The following PHYHIP variants were observed in gnomAD, a reference collection of about 807,000 sequenced individuals.
PHYHIP encodes the protein phytanoyl-CoA 2-hydroxylase interacting protein, also known as phytanoyl-CoA hydroxylase-interacting protein.
In PHYHIP, 7 loss-of-function variants were observed where a neutral mutation model predicts 26.1. The observed-to-expected ratio is 0.27, with a 90% CI of 0.15 to 0.50. PHYHIP has a LOEUF of 0.50. Among genes scored for constraint, PHYHIP ranks in the 20% least tolerant of loss-of-function variants. PHYHIP has a pLI of 0.98. For synonymous variants in PHYHIP, 206 were observed against 183.4 expected, an observed-to-expected ratio of 1.12 and a Z score of -1.00; for missense variants, 232 against 454.7, an observed-to-expected ratio of 0.51 and a Z score of 4.45.
intron 4 of PHYHIP, among the ~76,000 whole-genome samples, chr8:22,222,952 A>G (rs1041478344): frequency 3.9e-5 from 6 of 152,134 alleles, no homozygotes; most frequent in Non-Finnish European, 7.3e-5. Context: ...CGGCCTCCCA[A>G]CGTGGTAGGA....
intron 2 of PHYHIP, 127 bp from the exon 3 acceptor site, chr8:22,227,152 T>A (rs1829764920): frequency 1.3e-6 from 1 of 791,782 alleles, no homozygotes; most frequent in Non-Finnish European, 1.9e-6. Context: ...ATCTTGAGGA[T>A]CCAATGGCTC....
chr8:22,228,170 C>T (rs928814123), intron 2 of PHYHIP, 23 bp downstream of exon 2: 1 of 1,607,744 alleles, frequency 6.2e-7, no homozygotes, highest in Non-Finnish European at 8.5e-7. Flanking sequence ...TGGGGAGGGG[C>T]TCCCAGGACA....
In PHYHIP at chr8:22,224,269, C is replaced by T. The variant is rs533198032; in HGVS notation, c.415G>A (p.Val139Ile). The T allele has an allele frequency of 5.6e-6, 9 of 1,612,650 alleles. No individual in the cohort carries two copies. The highest frequency in any genetic ancestry group is 4.0e-5 in the African/African-American group (3 of 75,002). ...TCCTTGTGATGGTTGCGGTAGAAGA[C>T]GGAGAAGCGGAGCATGCGGCCTGCG... Reference protein sequence around the residue: ...QIAGRMLRFSVFYRNHHKEYF... With the variant: ...QIAGRMLRFSIFYRNHHKEYF... The change falls in exon 4 of 5, where the codon GTC becomes ATC. Residue 139 changes from valine (V) to isoleucine (I), a missense_variant. Coordinates refer to ENST00000454243, the MANE Select transcript of PHYHIP (RefSeq NM_014759.5).
chr8:22,226,818 C>A, intron 3 of PHYHIP, 33 bp downstream of exon 3: 1 of 1,581,460 alleles, frequency 6.3e-7, no homozygotes, highest in South Asian at 1.1e-5. Context: ...ACGTGCCAAG[C>A]AGCAGGACAG....
intron 3 of PHYHIP, among the ~76,000 whole-genome samples, chr8:22,225,640 CAAA>C (rs57092360): frequency 1.6e-5 from 2 of 127,974 alleles, no homozygotes; most frequent in African/African-American, 6.2e-5. Flanking sequence ...ACTAAAAATA[CAAA>C]AAAAAAAAAA....
intron 1 of PHYHIP, 166 bp from the exon 2 acceptor site, chr8:22,228,552 T>C (rs1471002631): frequency 1.3e-5 from 7 of 541,582 alleles, no homozygotes; most frequent in Non-Finnish European, 2.0e-5. Flanking sequence ...AGAAGGATGA[T>C]GGAGGGTGGA....
intron 1 of PHYHIP, chr8:22,228,630 A>G: frequency 3.6e-6 from 1 of 276,900 alleles, no homozygotes; most frequent in Non-Finnish European, 6.8e-6. Flanking sequence ...GGCACCTGAC[A>G]GGTGGCAGAG....
chr8:22,230,687 G>A (rs1251519879), intron 1 of PHYHIP, among the ~76,000 whole-genome samples: 2 of 151,460 alleles, frequency 1.3e-5, no homozygotes, highest in Non-Finnish European at 2.9e-5. Flanking sequence ...CCACCCACCC[G>A]CGTCCCACAC....
At position 22,228,388 on chromosome 8, in the gene PHYHIP, TGAG is replaced by T. The variant is rs762399823; in HGVS notation, c.-29-5_-29-3del. On this transcript the variant is annotated splice_region_variant and splice_polypyrimidine_tract_variant and intron_variant, in intron 1 of 4. Transcript: ENST00000454243. ...CGTCAGGGTTGTCTCCTGTGGGGAC[TGAG>T]GAGGAGGGAAAGGGTCAGTACATCC... 3.9e-6 allele frequency: 6 copies of T among 1,547,630 alleles called. No homozygotes were observed. In the East Asian group the frequency reaches 9.5e-5, roughly 24 times the overall value.
chr8:22,226,785 C>T lies in PHYHIP; in HGVS notation c.340+66G>A, dbSNP rs1251163586. On this transcript the variant is annotated intron_variant, in intron 3 of 4. Transcript: ENST00000454243. ...TGTTTGCTGGACTACGAGGAAGACC[C>T]GCCTTGACCACAGCAAAGCCCGACG... 21 of 1,454,868 alleles carry T rather than the reference C, an allele frequency of 1.4e-5. No individual in the cohort carries two copies. The East Asian group carries it at 2.4e-4, about 16-fold the overall frequency. 90.1% of individuals were successfully genotyped at this position (1,454,868 alleles called of 1,614,324 possible). A position where few individuals can be genotyped will look rare whatever the true frequency, so the allele number is the denominator to read the frequency against.
chr8:22,227,935 G>A (rs931365007), intron 2 of PHYHIP, among the ~76,000 whole-genome samples: 1 of 152,236 alleles, frequency 6.6e-6, no homozygotes, highest in Non-Finnish European at 1.5e-5. Context: ...TGTGCTAGGC[G>A]CCGGGCCAAG....
At chr8:22,224,136 G>A (rs771883576) in intron 4 of PHYHIP, 90 bp downstream of exon 4, 72 of 783,410 alleles carry the variant, frequency 9.2e-5, no homozygotes, top group Non-Finnish European at 1.6e-4. Context: ...CCACGAGGGT[G>A]GGGGTGACCT....
At chr8:22,225,161 C>T (rs1387855823) in intron 3 of PHYHIP, among the ~76,000 whole-genome samples, 1 of 152,096 alleles carries the variant, frequency 6.6e-6, no homozygotes, top group African/African-American at 2.4e-5. Flanking sequence ...GAGCAAGAGG[C>T]CTCCAGAGAG....
At chr8:22,227,090 C>G in intron 2 of PHYHIP, 65 bp from the exon 3 acceptor site, 4 of 1,411,972 alleles carry the variant, frequency 2.8e-6, no homozygotes, top group South Asian at 1.3e-5. Flanking sequence ...ATCTGGGCAT[C>G]ACCCCAGAAT....
At chr8:22,229,547 C>A (rs1312161158) in intron 1 of PHYHIP, among the ~76,000 whole-genome samples, 1 of 152,142 alleles carries the variant, frequency 6.6e-6, no homozygotes, top group Non-Finnish European at 1.5e-5. Flanking sequence ...GCTGGCCTAG[C>A]TCCGGGATGG....
Position 22,220,990 on chromosome 8 carries a change from C to G in PHYHIP, c.*363G>C, listed in dbSNP as rs1468191621. On this transcript the variant is annotated 3_prime_UTR_variant, in exon 5 of 5. Transcript: ENST00000454243. ...CAGCCAAGCTACCCATGGGCTTTGG[C>G]CCAGAGGGGCTTCCCTGGGAGAGCC... 4.4e-6 allele frequency: 1 copy of G among 224,752 alleles called. No individual in the cohort carries two copies. The highest frequency in any genetic ancestry group is 1.6e-3 in the Middle Eastern group (1 of 622). The allele number at this position is 224,752 out of a possible 1,614,324, so 13.9% of individuals were successfully genotyped here. A position where few individuals can be genotyped will look rare whatever the true frequency, so the allele number is the denominator to read the frequency against.
intron 1 of PHYHIP, among the ~76,000 whole-genome samples, chr8:22,229,088 A>C (rs551331541): frequency 1.2e-4 from 19 of 152,278 alleles, no homozygotes; most frequent in African/African-American, 4.6e-4. Context: ...AACATCTATT[A>C]GGGGCCGGCC....
intron 4 of PHYHIP, among the ~76,000 whole-genome samples, chr8:22,222,310 C>G (rs1405194591): frequency 6.6e-6 from 1 of 152,188 alleles, no homozygotes; most frequent in Non-Finnish European, 1.5e-5. Context: ...TGACTGCCCT[C>G]TCCACCTTCC....
At position 22,220,459 on chromosome 8, in the gene PHYHIP, G is replaced by C. The variant is rs990584126; in HGVS notation, c.*894C>G. On this transcript the variant is annotated 3_prime_UTR_variant, in exon 5 of 5. Coordinates refer to ENST00000454243, the MANE Select transcript of PHYHIP (RefSeq NM_014759.5). ...ACAGCTGGGCGGGGTGCCGGGGCCCGCGGGACAGCTTACAGGTCTCACGTT... is the reference window on the plus strand; with the variant it reads ...ACAGCTGGGCGGGGTGCCGGGGCCCCCGGGACAGCTTACAGGTCTCACGTT... 6.6e-6 allele frequency: 1 copy of C among 152,652 alleles called. No individual in the cohort carries two copies. Among genetic ancestry groups the C allele is most frequent in the South Asian group, 2.1e-4 (1 of 4,830 alleles). 9.5% of individuals were successfully genotyped at this position (152,652 alleles called of 1,614,324 possible). A position where few individuals can be genotyped will look rare whatever the true frequency, so the allele number is the denominator to read the frequency against.
Sources: allele counts gnomAD v4.1 joint callset (sites outside exome capture counted in the v4.1 genomes callset), GRCh38; gene constraint gnomAD v4.1.1; transcripts MANE v1.5; gene names NCBI Gene and HGNC (gene_info 2026-07-23, HGNC 2026-07-21).